SERINC5: variants seen among roughly 807,000 people sequenced by gnomAD.
The protein encoded by SERINC5 is serine incorporator 5.
A neutral mutation model predicts 63.1 loss-of-function variants in SERINC5; 41 were observed. The ratio of observed to expected loss-of-function variants is 0.65; its 90% CI spans 0.51 to 0.84. The LOEUF is 0.84. SERINC5 is among the 40% of genes least tolerant of loss of function. The pLI, the probability that SERINC5 is intolerant of heterozygous loss-of-function variation, is 0.00. For synonymous variants in SERINC5, 222 were observed against 215.2 expected, an observed-to-expected ratio of 1.03 and a Z score of -0.28; for missense variants, 523 against 573.0, an observed-to-expected ratio of 0.91 and a Z score of 0.89.
chr5:80,195,670 T>A (rs1465171129), intron 2 of SERINC5, among the ~76,000 whole-genome samples: 1 of 152,220 alleles, frequency 6.6e-6, no homozygotes, highest in Non-Finnish European at 1.5e-5. Flanking sequence ...AAGTAGCTCA[T>A]CTCCCCAGTT....
At chr5:80,174,331 C>T (rs1747870938) in intron 5 of SERINC5, among the ~76,000 whole-genome samples, 2 of 149,156 alleles carry the variant, frequency 1.3e-5, no homozygotes, top group South Asian at 4.2e-4. Flanking sequence ...CACACAACTG[C>T]ACTCCGGCCT....
At position 80,141,831 on chromosome 5, in the gene SERINC5, G is replaced by T; in HGVS notation, c.*1832C>A. 2 of 985,322 alleles carry T rather than the reference G, an allele frequency of 2.0e-6. No individual in the cohort carries two copies. The highest frequency in any genetic ancestry group is 2.4e-6 in the Non-Finnish European group (2 of 829,836). The allele number at this position is 985,322 out of a possible 1,614,324, so 61.0% of individuals were successfully genotyped here. On this transcript the variant is annotated 3_prime_UTR_variant, in exon 12 of 12. Transcript: ENST00000507668. ...AATTTAATGGAATTTACAAAACAAG[G>T]CTCTCTAAACCACACACACAGATGG... is the stretch of plus-strand genomic sequence containing the variant.
rs1745633077 is a variant in SERINC5 at position 80,143,516 on chromosome 5, C to T, written c.*147G>A. 1 of 1,368,656 alleles carries T rather than the reference C, an allele frequency of 7.3e-7. No homozygotes were observed. Among genetic ancestry groups the T allele is most frequent in the Admixed American group, 3.2e-5 (1 of 31,154 alleles). The allele number at this position is 1,368,656 out of a possible 1,614,324, so 84.8% of individuals were successfully genotyped here. On this transcript the variant is annotated 3_prime_UTR_variant, in exon 12 of 12. Transcript: ENST00000507668. The stretch of plus-strand genomic sequence containing the variant: ...CTTTTTGAATTTCAAAAGTAAAAAG[C>T]TAATCAGGAGATTTTTTTTTTTCTC...
chr5:80,136,293 A>G (rs1561355457), downstream of SERINC5, among the ~76,000 whole-genome samples: 1 of 150,130 alleles, frequency 6.7e-6, no homozygotes, highest in African/African-American at 2.5e-5. Context: ...ACAAAAAAAA[A>G]TGCTTTACTC....
chr5:80,162,668 A>G (rs1747018365), intron 7 of SERINC5, among the ~76,000 whole-genome samples: 1 of 151,780 alleles, frequency 6.6e-6, no homozygotes, highest in Non-Finnish European at 1.5e-5. Flanking sequence ...GAAACTACAC[A>G]TGGCCCCTCC....
In SERINC5 at chr5:80,143,709, G is replaced by A. The variant is rs748955860; in HGVS notation, c.1340C>T (p.Thr447Met). ...CWICVLLYLC[T>M]LVAPLCCPTR... Reference sequence around the variant, plus strand: ...GGGGCAGCAGAGGGGAGCGACCAGCGTACACAGGTACAACAGCACGCATAT... The same window carrying A: ...GGGGCAGCAGAGGGGAGCGACCAGCATACACAGGTACAACAGCACGCATAT... The change falls in exon 12 of 12, where the codon ACG becomes ATG. Residue 447 changes from threonine to methionine, a missense_variant. Physicochemically the swap from Thr to Met is moderately conservative, Grantham distance 81. Coordinates refer to ENST00000507668, the MANE Select transcript of SERINC5 (RefSeq NM_001174072.3). 1.3e-6 allele frequency: 2 copies of A among 1,536,080 alleles called. No individual in the cohort carries two copies. Among genetic ancestry groups the A allele is most frequent in the Non-Finnish European group, 1.7e-6 (2 of 1,146,872 alleles).
At position 80,255,945 on chromosome 5, in the gene SERINC5, G is replaced by A. The variant is rs1450501584; in HGVS notation, c.-23C>T. The A allele has an allele frequency of 6.5e-7, 1 of 1,532,374 alleles. No individual in the cohort carries two copies. The highest frequency in any genetic ancestry group is 2.6e-5 in the East Asian group (1 of 38,200). The allele number at this position is 1,532,374 out of a possible 1,614,324, so 94.9% of individuals were successfully genotyped here. A position where few individuals can be genotyped will look rare whatever the true frequency, so the allele number is the denominator to read the frequency against. ...CATCGCGGCGGCCAATGCCGAAGGC[G>A]CGCTCGCTGGCTCCCCGCGCCGCAC... is the stretch of plus-strand genomic sequence containing the variant. On this transcript the variant is annotated 5_prime_UTR_variant, in exon 1 of 12. Coordinates refer to ENST00000507668, the MANE Select transcript of SERINC5 (RefSeq NM_001174072.3).
intron 2 of SERINC5, among the ~76,000 whole-genome samples, chr5:80,182,553 CCCT>C (rs59473140): frequency 0.42 from 54,362 of 128,052 alleles, 13,319 homozygotes; most frequent in African/African-American, 0.49. Flanking sequence ...CGCCCCCCCC[CCCT>C]CCGCTTTTTT....
At chr5:80,223,822 AACGAGAAAGTT>A (rs1751033049) in intron 1 of SERINC5, among the ~76,000 whole-genome samples, 1 of 152,168 alleles carries the variant, frequency 6.6e-6, no homozygotes, top group East Asian at 1.9e-4. Context: ...TCTACTCATC[AACGAGAAAGTT>A]AGAAAAGTCA....
intron 5 of SERINC5, among the ~76,000 whole-genome samples, chr5:80,173,202 G>C (rs1747773228): frequency 6.7e-6 from 1 of 149,470 alleles, no homozygotes; most frequent in Admixed American, 6.8e-5. Flanking sequence ...GAAAAGGAAA[G>C]GAAGAGGAAA....
chr5:80,251,065 C>G (rs374931663), intron 1 of SERINC5, among the ~76,000 whole-genome samples: 65 of 152,262 alleles, frequency 4.3e-4, no homozygotes, highest in African/African-American at 1.5e-3. Flanking sequence ...TAACGGACAT[C>G]AGAAATGAGT....
rs182002203 is a variant in SERINC5, at chr5:80,120,004, A to G, written c.1239-6379T>C. On this transcript the variant is annotated intron_variant, in intron 11 of 12. Transcript: ENST00000509193. ...TAGGGTCCAATCCTGGGTCGTCCAC[A>G]TAATAGCTGTGGGACCTTGGGCAAG... Among the ~76,000 whole-genome samples the G allele has an allele frequency of 1.9e-3, 290 of 152,324 alleles. 1 individual carries two copies. The highest frequency in any genetic ancestry group is 3.0e-3 in the Non-Finnish European group (207 of 68,040).
chr5:80,132,664 T>C (rs893849912), intron 11 of SERINC5, among the ~76,000 whole-genome samples: 1 of 152,174 alleles, frequency 6.6e-6, no homozygotes, highest in African/African-American at 2.4e-5. Context: ...AAGATCTCAT[T>C]ATGTTGCTCA....
Position 80,138,918 on chromosome 5 carries a change from TAC to T in SERINC5, c.*4743_*4744del. Reference sequence around the variant, plus strand: ...GTTTTAATTTTAAATTTTATTAAAGTACAGAGTTAACAAGTTTTGAGTTTTTT... The same window carrying T: ...GTTTTAATTTTAAATTTTATTAAAGTAGAGTTAACAAGTTTTGAGTTTTTT... On this transcript the variant is annotated 3_prime_UTR_variant, in exon 12 of 12. Transcript: ENST00000507668. 9.3e-6 allele frequency: 9 copies of T among 971,414 alleles called. No homozygotes were observed. Among genetic ancestry groups the T allele is most frequent in the Non-Finnish European group, 1.1e-5 (9 of 817,260 alleles). The allele number at this position is 971,414 out of a possible 1,614,324, so 60.2% of individuals were successfully genotyped here.
At chr5:80,205,350 GA>G (rs1314701141) in intron 1 of SERINC5, among the ~76,000 whole-genome samples, 1 of 152,140 alleles carries the variant, frequency 6.6e-6, no homozygotes, top group Non-Finnish European at 1.5e-5. Flanking sequence ...CGGACAACAT[GA>G]CCATCAACCC....
At chr5:80,251,662 G>A (rs1311207462) in intron 1 of SERINC5, among the ~76,000 whole-genome samples, 12 of 151,714 alleles carry the variant, frequency 7.9e-5, no homozygotes, top group East Asian at 7.8e-4. Context: ...CCCGGGAGGC[G>A]GAGGTTGCAG....
intron 1 of SERINC5, among the ~76,000 whole-genome samples, chr5:80,209,489 TA>T (rs1476677257): frequency 1.3e-5 from 2 of 152,290 alleles, no homozygotes; most frequent in East Asian, 3.9e-4. Flanking sequence ...TTCTGTTGGG[TA>T]AGCCACCCAG....
chr5:80,241,301 T>G (rs1196755806), intron 1 of SERINC5, among the ~76,000 whole-genome samples: 1 of 151,876 alleles, frequency 6.6e-6, no homozygotes, highest in South Asian at 2.1e-4. Context: ...AAACCCCATC[T>G]CTACTAAAAA....
chr5:80,225,982 C>T (rs1751148358), intron 1 of SERINC5, among the ~76,000 whole-genome samples: 1 of 152,100 alleles, frequency 6.6e-6, no homozygotes. Context: ...TTAAGTACTT[C>T]CTATGTATCA....
Sources: allele counts gnomAD v4.1 joint callset (sites outside exome capture counted in the v4.1 genomes callset), GRCh38; gene constraint gnomAD v4.1.1; transcripts MANE v1.5; gene names NCBI Gene and HGNC (gene_info 2026-07-23, HGNC 2026-07-21).